MDGA2: variants seen among roughly 807,000 people sequenced by gnomAD.
MDGA2 encodes the protein MAM domain-containing glycosylphosphatidylinositol anchor protein 2.
Under a neutral mutation model 117.8 loss-of-function variants are expected in MDGA2, and 40 were observed. That is an observed-to-expected ratio of 0.34 (90% confidence interval 0.26 to 0.44). The LOEUF is 0.44. Among genes scored for constraint, MDGA2 ranks in the 20% least tolerant of loss-of-function variants. The probability of loss-of-function intolerance (pLI) is 1.00; values close to 1 mark genes in which losing one functional copy is unlikely to be tolerated. For synonymous variants in MDGA2, 452 were observed against 439.0 expected, an observed-to-expected ratio of 1.03 and a Z score of -0.37; for missense variants, 1,123 against 1,250.6, an observed-to-expected ratio of 0.90 and a Z score of 1.54.
intron 1 of MDGA2, among the ~76,000 whole-genome samples, chr14:47,512,536 GA>G (rs1185515106): frequency 6.6e-6 from 1 of 152,064 alleles, no homozygotes; most frequent in Non-Finnish European, 1.5e-5. Context: ...CCAAAGATTT[GA>G]ATGACTTATT....
rs144719063 is a variant in MDGA2, at chr14:47,323,315, T to C, written c.281-21765A>G. Among the ~76,000 whole-genome samples the C allele has an allele frequency of 8.8e-4, 134 of 151,762 alleles. 2 individuals carry two copies. In the East Asian group the frequency reaches 0.023, roughly 26 times the overall value. The stretch of plus-strand genomic sequence containing the variant: ...TGATTAGTAGATGTGATGAAATTGA[T>C]GGTTCATTTCCTACATAAAAGACAA... On this transcript the variant is annotated intron_variant, in intron 1 of 16. Transcript: ENST00000399232.
intron 2 of MDGA2, among the ~76,000 whole-genome samples, chr14:47,259,422 C>T (rs1044263959): frequency 2.0e-5 from 3 of 151,906 alleles, no homozygotes; most frequent in Non-Finnish European, 4.4e-5. Context: ...AAAATGTGTA[C>T]CAAAAAGATA....
intron 6 of MDGA2, among the ~76,000 whole-genome samples, chr14:47,080,868 T>C (rs1890685282): frequency 6.6e-6 from 1 of 152,232 alleles, no homozygotes; most frequent in South Asian, 2.1e-4. Flanking sequence ...CTCAAGCTTT[T>C]GCAAGTGCTC....
At chr14:47,142,360 C>T (rs1882757227) in intron 4 of MDGA2, among the ~76,000 whole-genome samples, 1 of 152,084 alleles carries the variant, frequency 6.6e-6, no homozygotes, top group African/African-American at 2.4e-5. Flanking sequence ...ATGAGAAACG[C>T]TTAAACCCTG....
intron 5 of MDGA2, among the ~76,000 whole-genome samples, chr14:47,105,719 A>C (rs12436811): frequency 0.48 from 67,973 of 142,736 alleles, 16,338 homozygotes; most frequent in East Asian, 0.53. Context: ...AATCTCTGTG[A>C]CCAGTGCAAC....
chr14:47,470,034 C>T (rs562609467), intron 1 of MDGA2, among the ~76,000 whole-genome samples: 16 of 152,226 alleles, frequency 1.1e-4, no homozygotes, highest in African/African-American at 3.6e-4. Flanking sequence ...AAGGTCAGCT[C>T]CATCACAGTG....
intron 2 of MDGA2, among the ~76,000 whole-genome samples, chr14:47,293,648 T>G (rs1343479845): frequency 6.6e-6 from 1 of 152,232 alleles, no homozygotes; most frequent in Non-Finnish European, 1.5e-5. Context: ...TATGTTGTGC[T>G]TGGCACTCTG....
intron 2 of MDGA2, among the ~76,000 whole-genome samples, chr14:47,287,005 T>G (rs552773482): frequency 3.4e-4 from 52 of 151,818 alleles, no homozygotes; most frequent in Non-Finnish European, 6.3e-4. Flanking sequence ...AGTCTTTCCT[T>G]GTGTGACTTT....
intron 14 of MDGA2, among the ~76,000 whole-genome samples, chr14:46,867,478 C>T (rs1352044971): frequency 1.3e-5 from 2 of 151,974 alleles, no homozygotes; most frequent in East Asian, 3.9e-4. Context: ...ACCAGCATGG[C>T]ACATGTATAC....
intron 3 of MDGA2, among the ~76,000 whole-genome samples, chr14:47,209,696 G>A (rs1050825240): frequency 6.6e-6 from 1 of 152,180 alleles, no homozygotes; most frequent in Non-Finnish European, 1.5e-5. Flanking sequence ...TAGATTGGTT[G>A]TATGTCCCAC....
At chr14:47,586,454 C>T (rs895710961) in intron 1 of MDGA2, among the ~76,000 whole-genome samples, 1 of 151,744 alleles carries the variant, frequency 6.6e-6, no homozygotes, top group Admixed American at 6.6e-5. Context: ...TCTTAGAAAG[C>T]TTAGAATAAA....
intron 2 of MDGA2, among the ~76,000 whole-genome samples, chr14:47,242,457 G>A (rs888399784): frequency 2.6e-5 from 4 of 151,862 alleles, no homozygotes; most frequent in Non-Finnish European, 5.9e-5. Flanking sequence ...AGGCACGAGC[G>A]GGAACCGGGG....
chr14:47,670,888 A>T (rs1898062534), intron 1 of MDGA2, among the ~76,000 whole-genome samples: 1 of 152,134 alleles, frequency 6.6e-6, no homozygotes, highest in African/African-American at 2.4e-5. Flanking sequence ...AGGAAGTAAA[A>T]TTTTTTAAAT....
chr14:47,571,324 A>T (rs866966139), intron 1 of MDGA2, among the ~76,000 whole-genome samples: 44 of 152,336 alleles, frequency 2.9e-4, no homozygotes, highest in Middle Eastern at 3.4e-3. Flanking sequence ...AATTAGTTCA[A>T]CCATTGTGGA....
chr14:47,290,511 T>C (rs1414881165), intron 2 of MDGA2, among the ~76,000 whole-genome samples: 2 of 152,144 alleles, frequency 1.3e-5, no homozygotes, highest in Admixed American at 6.6e-5. Context: ...TTCATGCTAA[T>C]TATGTTACAT....
rs534567000 is a variant in MDGA2 at position 47,308,993 on chromosome 14, C to A, written c.281-7443G>T. Among the ~76,000 whole-genome samples, 23 of 152,252 alleles carry A rather than the reference C, an allele frequency of 1.5e-4. No individual in the cohort carries two copies. In the South Asian group the frequency reaches 4.6e-3, roughly 30 times the overall value. ...TTTGAAATTACATACTTGTCCTATA[C>A]TATAACACAATAAAGACTATTCTTT... is the stretch of plus-strand genomic sequence containing the variant. On this transcript the variant is annotated intron_variant, in intron 1 of 16. Coordinates refer to ENST00000399232, the MANE Select transcript of MDGA2 (RefSeq NM_001113498.3).
intron 8 of MDGA2, among the ~76,000 whole-genome samples, chr14:47,006,536 C>T (rs902435953): frequency 2.7e-5 from 4 of 150,050 alleles, no homozygotes; most frequent in Admixed American, 2.0e-4. Context: ...TTTGTGAGCA[C>T]CCAGTCAACT....
chr14:47,229,535 T>C (rs759154176), intron 2 of MDGA2, among the ~76,000 whole-genome samples: 1 of 151,998 alleles, frequency 6.6e-6, no homozygotes, highest in Non-Finnish European at 1.5e-5. Flanking sequence ...GAAGGCCCTA[T>C]AAATAAAAGA....
intron 8 of MDGA2, among the ~76,000 whole-genome samples, chr14:47,005,373 G>A (rs1887674760): frequency 6.6e-6 from 1 of 151,504 alleles, no homozygotes; most frequent in African/African-American, 2.4e-5. Context: ...GAAGCATACG[G>A]ATTTTTTTCT....
Sources: allele counts gnomAD v4.1 joint callset (sites outside exome capture counted in the v4.1 genomes callset), GRCh38; gene constraint gnomAD v4.1.1; transcripts MANE v1.5; gene names NCBI Gene and HGNC (gene_info 2026-07-23, HGNC 2026-07-21).